The following PDSS1 variants were observed in gnomAD, a reference collection of about 807,000 sequenced individuals.
The protein encoded by PDSS1 is decaprenyl diphosphate synthase subunit 1.
A neutral mutation model predicts 57.5 loss-of-function variants in PDSS1; 43 were observed. That is an observed-to-expected ratio of 0.75 (90% CI 0.59 to 0.96). PDSS1 has a LOEUF of 0.96. PDSS1 is among the 50% of genes least tolerant of loss of function. PDSS1 has a pLI of 0.00. For missense variants in PDSS1, 438 were observed against 527.8 expected (o/e 0.83, Z 1.67); for synonymous variants, 175 against 191.3 (o/e 0.91, Z 0.70).
At chr10:26,739,073 T>G (rs897971576) in intron 10 of PDSS1, among the ~76,000 whole-genome samples, 3 of 152,212 alleles carry the variant, frequency 2.0e-5, no homozygotes, top group Non-Finnish European at 4.4e-5. Flanking sequence ...CTTCCTTATT[T>G]GATAAGTCAC....
At chr10:26,738,922 T>C (rs1306035936) in intron 10 of PDSS1, among the ~76,000 whole-genome samples, 1 of 152,214 alleles carries the variant, frequency 6.6e-6, no homozygotes, top group Non-Finnish European at 1.5e-5. Context: ...ACATATTCTC[T>C]TTAAGAATAA....
chr10:26,707,116 C>T (rs916150491), intron 4 of PDSS1, among the ~76,000 whole-genome samples: 2 of 152,156 alleles, frequency 1.3e-5, no homozygotes, highest in Admixed American at 6.6e-5. Flanking sequence ...CCCGCATGCG[C>T]AGTGGCCCGC....
chr10:26,709,969 G>A (rs1009436733), intron 5 of PDSS1, among the ~76,000 whole-genome samples: 1 of 151,966 alleles, frequency 6.6e-6, no homozygotes, highest in African/African-American at 2.4e-5. Flanking sequence ...TGGCCAACAT[G>A]GTGAGACCCC....
intron 8 of PDSS1, among the ~76,000 whole-genome samples, chr10:26,732,385 C>A (rs1836239556): frequency 6.6e-6 from 1 of 152,224 alleles, no homozygotes. Flanking sequence ...AAGCTGCCCA[C>A]TAAATAAGCT....
Position 26,711,375 on chromosome 10 carries a change from C to T in PDSS1, c.467+1607C>T, listed in dbSNP as rs1245529137. ...GTCAGATATTGCTTCTTAGTGGCTC[C>T]TCTCCTCTGCCCACAGCTTTCTCTG... is the stretch of plus-strand genomic sequence containing the variant. On this transcript the variant is annotated intron_variant, in intron 5 of 11. Transcript: ENST00000376215. Among the ~76,000 whole-genome samples the T allele has an allele frequency of 6.1e-5, 6 of 98,894 alleles. 2 individuals carry two copies. The highest frequency in any genetic ancestry group is 1.4e-4 in the Non-Finnish European group (6 of 42,552). The allele number at this position is 98,894 out of a possible 152,430, so 64.9% of individuals were successfully genotyped here.
chr10:26,731,436 T>C (rs1469418577), intron 8 of PDSS1, among the ~76,000 whole-genome samples: 1 of 152,250 alleles, frequency 6.6e-6, no homozygotes, highest in East Asian at 1.9e-4. Flanking sequence ...CAGCCAATCT[T>C]CTATACATGG....
chr10:26,741,316 C>A (rs1343165675), intron 10 of PDSS1, among the ~76,000 whole-genome samples: 1 of 152,128 alleles, frequency 6.6e-6, no homozygotes, highest in Non-Finnish European at 1.5e-5. Context: ...AAAACCCTGT[C>A]TCTACTAACA....
chr10:26,738,618 G>A (rs1361168052), intron 10 of PDSS1, among the ~76,000 whole-genome samples: 1 of 152,196 alleles, frequency 6.6e-6, no homozygotes. Flanking sequence ...TTTGGTAGGT[G>A]AGTTTTGTTT....
At chr10:26,737,235 G>A (rs1331143423) in intron 10 of PDSS1, among the ~76,000 whole-genome samples, 7 of 152,188 alleles carry the variant, frequency 4.6e-5, no homozygotes, top group Admixed American at 3.9e-4. Flanking sequence ...CTAAGTTACC[G>A]GTTGAGTCCT....
chr10:26,724,305 A>G (rs144182752), intron 8 of PDSS1, among the ~76,000 whole-genome samples, 182 bp downstream of exon 8: 27 of 152,290 alleles, frequency 1.8e-4, no homozygotes, highest in African/African-American at 6.3e-4. Flanking sequence ...CATTTTTGCC[A>G]TCTTCTTTTG....
intron 8 of PDSS1, among the ~76,000 whole-genome samples, chr10:26,732,563 T>G (rs1836249946): frequency 6.6e-6 from 1 of 152,180 alleles, no homozygotes; most frequent in African/African-American, 2.4e-5. Context: ...CCAGACCATG[T>G]GGATGAAATT....
intron 10 of PDSS1, among the ~76,000 whole-genome samples, chr10:26,739,673 CCTT>C (rs1299614499): frequency 6.6e-6 from 1 of 152,150 alleles, no homozygotes; most frequent in Admixed American, 6.5e-5. Flanking sequence ...AACGATAAAA[CCTT>C]CTAGATATCC....
intron 11 of PDSS1, 87 bp downstream of exon 11, chr10:26,742,664 T>G: frequency 1.3e-6 from 1 of 770,116 alleles, no homozygotes; most frequent in South Asian, 1.4e-5. Flanking sequence ...AACTAAACAT[T>G]AAATTATAGA....
chr10:26,742,390 T>A, intron 10 of PDSS1, 107 bp from the exon 11 acceptor site: 1 of 831,574 alleles, frequency 1.2e-6, no homozygotes, highest in Non-Finnish European at 2.0e-6. Context: ...TAGTTTCATT[T>A]TTGTTGTTTC....
At chr10:26,730,324 A>G (rs1332112447) in intron 8 of PDSS1, among the ~76,000 whole-genome samples, 2 of 152,054 alleles carry the variant, frequency 1.3e-5, no homozygotes, top group Non-Finnish European at 2.9e-5. Flanking sequence ...GTTTGAAACA[A>G]CGTGGCTGGG....
At chr10:26,707,103 C>G (rs1017522641) in intron 4 of PDSS1, among the ~76,000 whole-genome samples, 2 of 152,188 alleles carry the variant, frequency 1.3e-5, no homozygotes, top group African/African-American at 4.8e-5. Flanking sequence ...TTGGGGTGGG[C>G]TGCCCGCATG....
At chr10:26,742,389 T>G in intron 10 of PDSS1, 108 bp from the exon 11 acceptor site, 1 of 824,288 alleles carries the variant, frequency 1.2e-6, no homozygotes, top group Non-Finnish European at 2.0e-6. Context: ...TTAGTTTCAT[T>G]TTTGTTGTTT....
intron 5 of PDSS1, 58 bp downstream of exon 5, chr10:26,709,826 G>A (rs1414931556): frequency 6.4e-7 from 1 of 1,551,170 alleles, no homozygotes. Flanking sequence ...TTTCTTCCCG[G>A]GGTTACTTAC....
intron 1 of PDSS1, among the ~76,000 whole-genome samples, chr10:26,699,867 TG>T: frequency 6.6e-6 from 1 of 152,352 alleles, no homozygotes; most frequent in South Asian, 2.1e-4. Context: ...GTGTCAGTGA[TG>T]CCTTTCACTA....
Sources: allele counts gnomAD v4.1 joint callset (sites outside exome capture counted in the v4.1 genomes callset), GRCh38; gene constraint gnomAD v4.1.1; transcripts MANE v1.5; gene names NCBI Gene and HGNC (gene_info 2026-07-23, HGNC 2026-07-21).